SHOC2: variants seen among roughly 807,000 people sequenced by gnomAD.
SHOC2 encodes the protein SHOC2 leucine rich repeat scaffold protein, also known as leucine-rich repeat protein SHOC-2.
In SHOC2, 4 loss-of-function variants were observed where a neutral mutation model predicts 50.2. The ratio of observed to expected loss-of-function variants is 0.08; its 90% CI spans 0.04 to 0.18. SHOC2 has a LOEUF of 0.18. Ranked by LOEUF, SHOC2 falls within the 10% of genes least tolerant of loss-of-function variation. SHOC2 has a pLI of 1.00. For missense variants in SHOC2, 388 were observed against 669.6 expected, an observed-to-expected ratio of 0.58 and a Z score of 4.64; for synonymous variants, 218 against 244.5, an observed-to-expected ratio of 0.89 and a Z score of 1.01.
At chr10:110,925,457 TTTTG>T (rs752650693) in intron 1 of SHOC2, among the ~76,000 whole-genome samples, 63 of 152,032 alleles carry the variant, frequency 4.1e-4, no homozygotes, top group African/African-American at 1.4e-3. Flanking sequence ...TTTGTTTTGG[TTTTG>T]TTTTTGTTTT....
chr10:111,000,374 T>G (rs776344915), intron 3 of SHOC2, 41 bp from the exon 4 acceptor site: 1 of 1,607,126 alleles, frequency 6.2e-7, no homozygotes. Flanking sequence ...GCTCATCAGA[T>G]TTTGTAAAAA....
intron 1 of SHOC2, among the ~76,000 whole-genome samples, chr10:110,954,432 T>C (rs1847418006): frequency 1.3e-5 from 2 of 152,298 alleles, no homozygotes; most frequent in Admixed American, 1.3e-4. Context: ...AGGGGTAGTA[T>C]CAGCTAGCTT....
At chr10:110,957,691 G>A (rs1377431692) in intron 1 of SHOC2, among the ~76,000 whole-genome samples, 1 of 151,930 alleles carries the variant, frequency 6.6e-6, no homozygotes, top group African/African-American at 2.4e-5. Context: ...TGCCACACTT[G>A]CCCTGTGAAT....
At chr10:110,963,142 TTAAA>T in intron 1 of SHOC2, among the ~76,000 whole-genome samples, 1 of 152,326 alleles carries the variant, frequency 6.6e-6, no homozygotes, top group Admixed American at 6.5e-5. Context: ...TACCAGTTAG[TTAAA>T]TAGAGTTAAC....
intron 1 of SHOC2, among the ~76,000 whole-genome samples, chr10:110,925,581 T>TTTAA (rs1846754696): frequency 6.6e-6 from 1 of 152,112 alleles, no homozygotes; most frequent in Non-Finnish European, 1.5e-5. Context: ...CTTTAACCTC[T>TTTAA]CGTGTAACTG....
intron 3 of SHOC2, among the ~76,000 whole-genome samples, chr10:110,999,455 C>T (rs573432231): frequency 1.5e-4 from 23 of 151,936 alleles, no homozygotes; most frequent in Admixed American, 8.5e-4. Flanking sequence ...ATAAAATGCT[C>T]AGCTGGGCGC....
intron 3 of SHOC2, among the ~76,000 whole-genome samples, chr10:110,987,325 G>A (rs1324942561): frequency 6.6e-6 from 1 of 152,140 alleles, no homozygotes; most frequent in African/African-American, 2.4e-5. Context: ...AGTTGTTAGG[G>A]AATTTCTTAG....
At chr10:110,989,139 T>A in intron 3 of SHOC2, 1 of 452,148 alleles carries the variant, frequency 2.2e-6, no homozygotes, top group Non-Finnish European at 4.2e-6. Flanking sequence ...GTAAAAGTAT[T>A]CCATGTGCAG....
At chr10:111,010,630 A>G (rs1189382495) in intron 8 of SHOC2, among the ~76,000 whole-genome samples, 1 of 152,148 alleles carries the variant, frequency 6.6e-6, no homozygotes, top group Non-Finnish European at 1.5e-5. Flanking sequence ...ATGTATACAT[A>G]TGTAACAAAC....
rs1847342539 is a variant in SHOC2, at chr10:110,951,075, G to GAA, written c.-234-13048_-234-13047dup. 4.6e-5 allele frequency among the ~76,000 whole-genome samples: 7 copies of GAA among 152,230 alleles called. No individual in the cohort carries two copies. The South Asian group carries it at 1.2e-3, about 27-fold the overall frequency. Reference sequence around the variant, plus strand: ...CTGAATAAGCTTCGGCACAGCAAAGGAAATGATCAACAGAGTGAACAATAA... The same window carrying GAA: ...CTGAATAAGCTTCGGCACAGCAAAGGAAAAATGATCAACAGAGTGAACAATAA... On this transcript the variant is annotated intron_variant, in intron 1 of 8. Transcript: ENST00000369452.
chr10:111,002,597 A>G (rs1284353431), intron 4 of SHOC2, among the ~76,000 whole-genome samples: 1 of 152,204 alleles, frequency 6.6e-6, no homozygotes, highest in African/African-American at 2.4e-5. Context: ...TTATTGGAGT[A>G]TCCTCATCAA....
At chr10:111,002,516 A>G (rs1848396906) in intron 4 of SHOC2, among the ~76,000 whole-genome samples, 2 of 152,216 alleles carry the variant, frequency 1.3e-5, no homozygotes, top group African/African-American at 4.8e-5. Flanking sequence ...TTTGAACCAC[A>G]TATTCCCAAG....
rs1335493416 is a variant in SHOC2, at chr10:111,009,398, C to T, written c.1422+13C>T. The T allele has an allele frequency of 1.3e-6, 2 of 1,599,934 alleles. No individual in the cohort carries two copies. Among genetic ancestry groups the T allele is most frequent in the Non-Finnish European group, 1.7e-6 (2 of 1,168,098 alleles). Reference sequence around the variant, plus strand: ...TAAGGATTTACAGGTAAACATTATGCTGATTTTGTAGTTTTATAAAGTTTT... The same window carrying T: ...TAAGGATTTACAGGTAAACATTATGTTGATTTTGTAGTTTTATAAAGTTTT... On this transcript the variant is annotated intron_variant, in intron 7 of 8. Transcript: ENST00000369452.
intron 3 of SHOC2, among the ~76,000 whole-genome samples, chr10:110,995,059 G>C (rs930957168): frequency 6.6e-6 from 1 of 152,134 alleles, no homozygotes; most frequent in Non-Finnish European, 1.5e-5. Context: ...GAAGAAAATA[G>C]ATTTTTATGG....
chr10:110,955,671 A>G (rs996467993), intron 1 of SHOC2, among the ~76,000 whole-genome samples: 2 of 152,210 alleles, frequency 1.3e-5, no homozygotes, highest in Non-Finnish European at 2.9e-5. Context: ...GAATCTTTTA[A>G]CCAAGAAATA....
At chr10:110,969,953 A>G (rs1327540332) in intron 2 of SHOC2, among the ~76,000 whole-genome samples, 1 of 152,218 alleles carries the variant, frequency 6.6e-6, no homozygotes, top group African/African-American at 2.4e-5. Flanking sequence ...TGATGTTTCC[A>G]TACATGTATA....
At chr10:110,991,453 A>T (rs1210022831) in intron 3 of SHOC2, among the ~76,000 whole-genome samples, 1 of 152,212 alleles carries the variant, frequency 6.6e-6, no homozygotes, top group African/African-American at 2.4e-5. Flanking sequence ...GAGAACTGAA[A>T]CATTAACAAC....
At chr10:110,953,136 C>T (rs1847389483) in intron 1 of SHOC2, among the ~76,000 whole-genome samples, 1 of 152,194 alleles carries the variant, frequency 6.6e-6, no homozygotes, top group African/African-American at 2.4e-5. Flanking sequence ...CTTGAGGAAT[C>T]GCCACACTGT....
chr10:110,992,563 G>A (rs988305442), intron 3 of SHOC2, among the ~76,000 whole-genome samples: 5 of 152,190 alleles, frequency 3.3e-5, no homozygotes, highest in African/African-American at 1.2e-4. Flanking sequence ...GAGATTAGGA[G>A]AGAACTGTGC....
Sources: allele counts gnomAD v4.1 joint callset (sites outside exome capture counted in the v4.1 genomes callset), GRCh38; gene constraint gnomAD v4.1.1; transcripts MANE v1.5; gene names NCBI Gene and HGNC (gene_info 2026-07-23, HGNC 2026-07-21).